Variants in VGLL4 observed in about 807,000 individuals in gnomAD.
The protein encoded by VGLL4 is vestigial like family member 4.
A neutral mutation model predicts 21.0 loss-of-function variants in VGLL4; 7 were observed. That is an observed-to-expected ratio of 0.33 (90% CI 0.19 to 0.63). The LOEUF (loss-of-function observed/expected upper bound fraction) is 0.63, where lower values mean the gene tolerates loss of function less well. Among genes scored for constraint, VGLL4 ranks in the 20% least tolerant of loss-of-function variants. The pLI is 0.78. For missense variants in VGLL4, 394 were observed against 425.7 expected (o/e 0.93, Z 0.66); for synonymous variants, 222 against 173.2 (o/e 1.28, Z -2.21).
chr3:11,560,203 G>T (rs2072856298), intron 3 of VGLL4, among the ~76,000 whole-genome samples: 1 of 152,304 alleles, frequency 6.6e-6, no homozygotes, highest in African/African-American at 2.4e-5. Flanking sequence ...TTCAGCAAGT[G>T]CATCGGTCTG....
At chr3:11,615,521 GA>G (rs2075145770) in intron 1 of VGLL4, among the ~76,000 whole-genome samples, 1 of 152,212 alleles carries the variant, frequency 6.6e-6, no homozygotes, top group African/African-American at 2.4e-5. Flanking sequence ...CATCACTGGG[GA>G]AGCAGAGCCT....
intron 1 of VGLL4, among the ~76,000 whole-genome samples, chr3:11,709,830 C>T (rs1355904611): frequency 1.3e-5 from 2 of 152,168 alleles, no homozygotes; most frequent in Admixed American, 1.3e-4. Flanking sequence ...TTTTAGTCAA[C>T]AAGGGGACAT....
At chr3:11,618,121 T>G (rs2075199971) in intron 1 of VGLL4, among the ~76,000 whole-genome samples, 1 of 152,180 alleles carries the variant, frequency 6.6e-6, no homozygotes, top group African/African-American at 2.4e-5. Context: ...TGAATACCGA[T>G]GTTTAAAAAC....
intron 2 of VGLL4, among the ~76,000 whole-genome samples, chr3:11,667,268 A>G (rs1340786915): frequency 6.6e-6 from 1 of 152,220 alleles, no homozygotes; most frequent in Non-Finnish European, 1.5e-5. Flanking sequence ...CAGGTTACAG[A>G]GCTTGGGCTT....
rs76981850 is a variant in VGLL4 at position 11,560,120 on chromosome 3, C to T, written c.496-665G>A. Among the ~76,000 whole-genome samples the T allele has an allele frequency of 6.3e-3, 957 of 152,230 alleles. 7 individuals carry two copies. Among genetic ancestry groups the T allele is most frequent in the African/African-American group, 0.022 (928 of 41,534 alleles). Reference sequence around the variant, plus strand: ...GTTCCTTCAAGCCCTGTTCAGATCTCTCTCTGAAGCCTTTCACTGGCCACC... The same window carrying T: ...GTTCCTTCAAGCCCTGTTCAGATCTTTCTCTGAAGCCTTTCACTGGCCACC... On this transcript the variant is annotated intron_variant, in intron 3 of 4. Coordinates refer to ENST00000430365, the MANE Select transcript of VGLL4 (RefSeq NM_001128219.3).
At chr3:11,632,169 C>G (rs561379126) in intron 1 of VGLL4, among the ~76,000 whole-genome samples, 1 of 151,974 alleles carries the variant, frequency 6.6e-6, no homozygotes, top group African/African-American at 2.4e-5. Context: ...AAAAATTAGC[C>G]GTGTGTAATG....
chr3:11,589,206 T>G (rs1407265126), intron 2 of VGLL4, among the ~76,000 whole-genome samples: 1 of 152,122 alleles, frequency 6.6e-6, no homozygotes, highest in Non-Finnish European at 1.5e-5. Context: ...AACAGAATTG[T>G]TGGTATGGAT....
intron 1 of VGLL4, among the ~76,000 whole-genome samples, chr3:11,618,668 A>G (rs1393053189): frequency 6.6e-6 from 1 of 152,248 alleles, no homozygotes; most frequent in Non-Finnish European, 1.5e-5. Context: ...AGCTCCAAGA[A>G]AAGAGACTAT....
In VGLL4 at chr3:11,719,924, A is replaced by T. The variant is rs1239592276; in HGVS notation, c.-14+470T>A. 6.7e-6 allele frequency among the ~76,000 whole-genome samples: 1 copy of T among 149,610 alleles called. No homozygotes were observed. The highest frequency in any genetic ancestry group is 1.5e-5 in the Non-Finnish European group (1 of 67,332). ...CGGGCAGGGCGAGTGGACATGGCGC[A>T]CACTGCTGTGGACACGGCATCTCGC... On this transcript the variant is annotated intron_variant, in intron 1 of 5. Coordinates refer to the VGLL4 transcript ENST00000273038. This position sits in a 1 kb window ranked among gnomAD's most constrained non-coding sequence, Gnocchi z 4.0.
chr3:11,601,735 T>C, intron 2 of VGLL4, 98 bp downstream of exon 2: 1 of 1,327,736 alleles, frequency 7.5e-7, no homozygotes, highest in Non-Finnish European at 1.1e-6. Context: ...TCAAATAAAG[T>C]ATGCAAATGA....
intron 2 of VGLL4, among the ~76,000 whole-genome samples, chr3:11,692,840 C>A (rs1416156554): frequency 6.6e-6 from 1 of 152,142 alleles, no homozygotes; most frequent in African/African-American, 2.4e-5. Flanking sequence ...ATACCTCCCC[C>A]ACCCAGTCTA....
In VGLL4 at chr3:11,556,642, G is replaced by A. The variant is rs2125085024; in HGVS notation, c.*1914C>T. On this transcript the variant is annotated 3_prime_UTR_variant, in exon 5 of 5. Coordinates refer to ENST00000430365, the MANE Select transcript of VGLL4 (RefSeq NM_001128219.3). ...TTTTTTTCCGAACAACAAAAAAAATGAATGATTACAATAGGAAAGGGAAAA... is the reference window on the plus strand; with the variant it reads ...TTTTTTTCCGAACAACAAAAAAAATAAATGATTACAATAGGAAAGGGAAAA... 1 of 152,298 alleles carries A rather than the reference G, an allele frequency of 6.6e-6. No individual in the cohort carries two copies. Among genetic ancestry groups the A allele is most frequent in the South Asian group, 2.1e-4 (1 of 4,802 alleles). The allele number at this position is 152,298 out of a possible 1,614,324, so 9.4% of individuals were successfully genotyped here. A position where few individuals can be genotyped will look rare whatever the true frequency, so the allele number is the denominator to read the frequency against.
chr3:11,671,163 C>T (rs1223375837), intron 2 of VGLL4: 7 of 1,343,916 alleles, frequency 5.2e-6, no homozygotes, highest in Non-Finnish European at 7.0e-6. Context: ...TTTAGATAAA[C>T]ATACCACACT....
At chr3:11,615,156 G>A (rs771663482) in intron 1 of VGLL4, among the ~76,000 whole-genome samples, 3 of 152,164 alleles carry the variant, frequency 2.0e-5, no homozygotes, top group African/African-American at 4.8e-5. Flanking sequence ...TAAAGTTGAC[G>A]TATTGTCATT....
At chr3:11,617,802 T>G (rs975265396) in intron 1 of VGLL4, among the ~76,000 whole-genome samples, 4 of 152,230 alleles carry the variant, frequency 2.6e-5, no homozygotes, top group African/African-American at 7.2e-5. Context: ...GTGCTAGAAC[T>G]CCATATTTTA....
chr3:11,561,891 CTT>C (rs35380668), intron 3 of VGLL4, among the ~76,000 whole-genome samples: 11 of 88,598 alleles, frequency 1.2e-4, no homozygotes, highest in East Asian at 7.6e-4. Flanking sequence ...CTGCGCCAAA[CTT>C]TTTTTTTTTT....
intron 1 of VGLL4, among the ~76,000 whole-genome samples, chr3:11,639,528 G>A (rs1031367492): frequency 6.6e-6 from 1 of 152,254 alleles, no homozygotes; most frequent in African/African-American, 2.4e-5. Flanking sequence ...AGGCCGTGAG[G>A]GCACCCAGGA....
At chr3:11,629,685 G>A (rs1023493619) in intron 1 of VGLL4, among the ~76,000 whole-genome samples, 4 of 151,260 alleles carry the variant, frequency 2.6e-5, no homozygotes, top group Admixed American at 6.6e-5. Context: ...AGGCAGAGGC[G>A]GAGGTTGCAG....
At chr3:11,696,456 C>T (rs565301336) in intron 2 of VGLL4, among the ~76,000 whole-genome samples, 7 of 152,312 alleles carry the variant, frequency 4.6e-5, no homozygotes, top group South Asian at 2.1e-4. Context: ...TGATCTACTC[C>T]GGCATGTCTG....
Sources: gnomAD v4.1 joint callset for allele counts (sites outside exome capture counted in the v4.1 genomes callset) on GRCh38, gnomAD v4.1.1 for gene constraint, Gnocchi (gnomAD v3.1) non-coding constraint, MANE v1.5 for transcripts, NCBI Gene and HGNC (gene_info 2026-07-23, HGNC 2026-07-21) for gene names.